The following DISP3 variants were observed in gnomAD, a reference collection of about 807,000 sequenced individuals.
DISP3 encodes the protein protein dispatched homolog 3.
DISP3 carries 101 observed loss-of-function variants against 135.3 expected under a neutral mutation model. That is an observed-to-expected ratio of 0.75 (90% CI 0.64 to 0.88). DISP3 has a LOEUF of 0.88. Ranked by LOEUF, DISP3 falls within the 40% of genes least tolerant of loss-of-function variation. The pLI is 0.00. For missense variants in DISP3, 1,713 were observed against 1,878.6 expected (o/e 0.91, Z 1.63); for synonymous variants, 856 against 817.0 (o/e 1.05, Z -0.81).
chr1:11,520,757 G>A lies in DISP3; in HGVS notation c.2271G>A (p.Pro757=), dbSNP rs567509337. 3.2e-5 allele frequency: 51 copies of A among 1,613,518 alleles called. No individual in the cohort carries two copies. The East Asian group carries it at 5.6e-4, about 18-fold the overall frequency. ...GGCTCCGCCCCGCCAGCCGGGCCCCGCTACTCTTCCGGCCTGATACCAACA... is the reference window on the plus strand; with the variant it reads ...GGCTCCGCCCCGCCAGCCGGGCCCCACTACTCTTCCGGCCTGATACCAACA... ...ASRLRPASRA[P]LLFRPDTNIQ... is the part of the protein sequence containing the mutation. Residue 757 remains proline, a synonymous_variant, in exon 10 of 21, where the codon CCG becomes CCA. Coordinates refer to ENST00000294484, the MANE Select transcript of DISP3 (RefSeq NM_020780.2). The surrounding 1 kb of genome is among the most constrained non-coding windows in gnomAD (Gnocchi z 4.8).
In DISP3 at chr1:11,515,515, C is replaced by T. The variant is rs1641984710; in HGVS notation, c.1588+12C>T. The T allele has an allele frequency of 1.9e-6, 3 of 1,592,994 alleles. No individual in the cohort carries two copies. The highest frequency in any genetic ancestry group is 1.2e-5 in the South Asian group (1 of 86,422). ...GATCGTGGGCATTGGTGAGTCGCCTCTGTTGTCATGGCAGTGCGCCTCCCA... is the reference window on the plus strand; with the variant it reads ...GATCGTGGGCATTGGTGAGTCGCCTTTGTTGTCATGGCAGTGCGCCTCCCA... On this transcript the variant is annotated intron_variant, in intron 5 of 20. Transcript: ENST00000294484.
intron 1 of DISP3, among the ~76,000 whole-genome samples, chr1:11,492,251 T>C (rs1163171749): frequency 1.3e-5 from 2 of 152,048 alleles, no homozygotes; most frequent in Admixed American, 6.6e-5. Flanking sequence ...TCTGTCCCAC[T>C]GAGCCCACTA....
At position 11,520,815 on chromosome 1, in the gene DISP3, A is replaced by AGC; in HGVS notation, c.2332_2333dup (p.Glu779ProfsTer59). 1 of 1,612,140 alleles carries AGC rather than the reference A, an allele frequency of 6.2e-7. No individual in the cohort carries two copies. The highest frequency in any genetic ancestry group is 8.5e-7 in the Non-Finnish European group (1 of 1,179,470). ...GCTGCTGGACCTCAAGTACAACCTG[A>AGC]GCGCCGAGGGCATCTCCTGCATCAC... is the stretch of plus-strand genomic sequence containing the variant. On this transcript the variant is annotated frameshift_variant, in exon 10 of 21. Transcript: ENST00000294484. LOFTEE classifies it high-confidence loss of function. This position sits in a 1 kb window ranked among gnomAD's most constrained non-coding sequence, Gnocchi z 4.8.
At chr1:11,523,881 A>T in intron 10 of DISP3, 61 bp from the exon 11 acceptor site, 2 of 1,405,906 alleles carry the variant, frequency 1.4e-6, no homozygotes, top group South Asian at 1.2e-5. Context: ...CCCTCTGCCC[A>T]TCGGGCCCAG....
In DISP3 at chr1:11,501,152, C is replaced by T. The variant is rs1641500603; in HGVS notation, c.160C>T (p.Arg54Ter). 4.3e-6 allele frequency: 7 copies of T among 1,613,742 alleles called. No individual in the cohort carries two copies. The Admixed American group carries it at 5.0e-5, about 12-fold the overall frequency. Residue 54 changes from arginine to a stop codon, truncating the protein, a stop_gained, in exon 2 of 21, where the codon CGA becomes TGA. Coordinates refer to ENST00000294484, the MANE Select transcript of DISP3 (RefSeq NM_020780.2). LOFTEE classifies it high-confidence loss of function. This position sits in a 1 kb window ranked among gnomAD's most constrained non-coding sequence, Gnocchi z 4.9. The part of the protein sequence containing the change: ...CCWRHWPLAS[R>*]PPASGFWSTL... ...CTGGCGGCACTGGCCCCTGGCTTCC[C>T]GACCCCCAGCTTCGGGCTTCTGGAG... is the stretch of plus-strand genomic sequence containing the variant.
At chr1:11,528,767 C>G (rs1229161632) in intron 13 of DISP3, among the ~76,000 whole-genome samples, 1 of 152,094 alleles carries the variant, frequency 6.6e-6, no homozygotes, top group Non-Finnish European at 1.5e-5. Context: ...TGCACGGGGA[C>G]TGTGGTCTCC....
At position 11,530,905 on chromosome 1, in the gene DISP3, AG is replaced by A; in HGVS notation, c.3104del. 1 of 1,613,556 alleles carries A rather than the reference AG, an allele frequency of 6.2e-7. No individual in the cohort carries two copies. Among genetic ancestry groups the A allele is most frequent in the Non-Finnish European group, 8.5e-7 (1 of 1,179,750 alleles). On this transcript the variant is annotated splice_acceptor_variant, in intron 15 of 20. Coordinates refer to ENST00000294484, the MANE Select transcript of DISP3 (RefSeq NM_020780.2). LOFTEE classifies it high-confidence loss of function. ...GGGCCGGCTTGTTTCTCCTTGGGAA[AG>A]GGTAGTGTTGTCTACGACAGCAGCT...
chr1:11,515,891 T>G (rs1641998387), intron 5 of DISP3, 110 bp from the exon 6 acceptor site: 2 of 1,296,516 alleles, frequency 1.5e-6, no homozygotes, highest in East Asian at 4.9e-5. Flanking sequence ...GCAGGACTCC[T>G]GCAGCCTGAC....
At chr1:11,485,153 T>G (rs1179302276) in intron 1 of DISP3, among the ~76,000 whole-genome samples, 1 of 151,856 alleles carries the variant, frequency 6.6e-6, no homozygotes, top group African/African-American at 2.4e-5. Context: ...GATAGATGAT[T>G]AATGGTGTCT....
At position 11,536,658 on chromosome 1, in the gene DISP3, T is replaced by C; in HGVS notation, c.4151T>C (p.Ile1384Thr). The change falls in exon 21 of 21, where the codon ATT (isoleucine) becomes ACT (threonine). Residue 1384 changes from isoleucine (I) to threonine (T), a missense_variant. Transcript: ENST00000294484. This position sits in a 1 kb window ranked among gnomAD's most constrained non-coding sequence, Gnocchi z 4.3. The stretch of plus-strand genomic sequence containing the variant: ...GTGCTCCTGCAGAGCGGCTATAAGA[T>C]TCCCCTGCCCGCAGGGGCCTCCCTA... ...CLVLLQSGYK[I>T]PLPAGASL The C allele has an allele frequency of 6.3e-7, 1 of 1,588,492 alleles. No homozygotes were observed. Among genetic ancestry groups the C allele is most frequent in the African/African-American group, 1.3e-5 (1 of 74,284 alleles).
At chr1:11,492,305 C>T (rs934368395) in intron 1 of DISP3, among the ~76,000 whole-genome samples, 3 of 152,106 alleles carry the variant, frequency 2.0e-5, no homozygotes, top group African/African-American at 7.2e-5. Context: ...GGCTGTTGTG[C>T]CCATGAACGT....
chr1:11,512,312 A>C (rs983314106), intron 3 of DISP3, among the ~76,000 whole-genome samples: 3 of 151,970 alleles, frequency 2.0e-5, no homozygotes, highest in Non-Finnish European at 4.4e-5. Context: ...TTTATGCTCT[A>C]CTTCCCTTAT....
Position 11,482,174 on chromosome 1 carries a change from G to A in DISP3, c.-4+2802G>A, listed in dbSNP as rs181080720. Among the ~76,000 whole-genome samples, 332 of 152,254 alleles carry A rather than the reference G, an allele frequency of 2.2e-3. 1 individual carries two copies. Among genetic ancestry groups the A allele is most frequent in the South Asian group, 4.4e-3 (21 of 4,812 alleles). On this transcript the variant is annotated intron_variant, in intron 1 of 20. Coordinates refer to ENST00000294484, the MANE Select transcript of DISP3 (RefSeq NM_020780.2). ...CCCTATTCCCCTAGTCCTCAAAGGC[G>A]GTGGATGGAATTGTCTGAGTTAAGG...
At chr1:11,502,339 G>A (rs1641568226) in intron 2 of DISP3, among the ~76,000 whole-genome samples, 1 of 152,224 alleles carries the variant, frequency 6.6e-6, no homozygotes, top group Non-Finnish European at 1.5e-5. Flanking sequence ...GTGGTCAGAG[G>A]TAGAGAAATC....
In DISP3 at chr1:11,513,365, A is replaced by T. The variant is rs191234933; in HGVS notation, c.1317-1025A>T. ...ATTTCAGTTTTTGTCTATCTAAAAA[A>T]GTTTTCTATTTTGCCTTTGTTTTTT... On this transcript the variant is annotated intron_variant, in intron 3 of 20. Coordinates refer to ENST00000294484, the MANE Select transcript of DISP3 (RefSeq NM_020780.2). Among the ~76,000 whole-genome samples, 133 of 152,318 alleles carry T rather than the reference A, an allele frequency of 8.7e-4. 3 individuals are homozygous for T. Among genetic ancestry groups the T allele is most frequent in the African/African-American group, 3.1e-3 (129 of 41,570 alleles).
At chr1:11,511,493 A>G (rs1641853591) in intron 3 of DISP3, among the ~76,000 whole-genome samples, 1 of 152,100 alleles carries the variant, frequency 6.6e-6, no homozygotes, top group African/African-American at 2.4e-5. Flanking sequence ...ATCTCCATTG[A>G]CTCCAGGTCT....
At chr1:11,500,661 T>C (rs1046741395) in intron 1 of DISP3, among the ~76,000 whole-genome samples, 8 of 151,804 alleles carry the variant, frequency 5.3e-5, no homozygotes, top group Non-Finnish European at 1.0e-4. Context: ...CATTAGAAAA[T>C]TGTGTAGTCA....
At chr1:11,479,731 C>A (rs72863271) in intron 1 of DISP3, among the ~76,000 whole-genome samples, 1 of 152,180 alleles carries the variant, frequency 6.6e-6, no homozygotes, top group East Asian at 1.9e-4. Context: ...TATCTGGGTC[C>A]ATAAAAGTTG....
In DISP3 at chr1:11,516,226, C is replaced by T. The variant is rs776967200; in HGVS notation, c.1749+65C>T. 1.5e-5 allele frequency: 24 copies of T among 1,557,258 alleles called. No homozygotes were observed. The highest frequency in any genetic ancestry group is 2.0e-5 in the Non-Finnish European group (23 of 1,142,420). ...CGCTCATGCATACCTAGCCGCTGGT[C>T]TCTGCCCTTCCCACCACCGCTTGAG... On this transcript the variant is annotated intron_variant, in intron 6 of 20. Transcript: ENST00000294484. The surrounding 1 kb of genome is among the most constrained non-coding windows in gnomAD (Gnocchi z 5.1).
Sources: gnomAD v4.1 joint callset for allele counts (sites outside exome capture counted in the v4.1 genomes callset) on GRCh38, gnomAD v4.1.1 for gene constraint, Gnocchi (gnomAD v3.1) non-coding constraint, MANE v1.5 for transcripts, NCBI Gene and HGNC (gene_info 2026-07-23, HGNC 2026-07-21) for gene names.